The following SELENOI variants were observed in gnomAD, a reference collection of about 807,000 sequenced individuals.
The protein encoded by SELENOI is ethanolaminephosphotransferase 1.
Under a neutral mutation model 50.7 loss-of-function variants are expected in SELENOI, and 24 were observed. The observed-to-expected ratio is 0.47, with a 90% CI of 0.34 to 0.67. The LOEUF is 0.67. SELENOI is among the 30% of genes least tolerant of loss of function. SELENOI has a pLI of 0.01. For synonymous variants in SELENOI, 155 were observed against 170.2 expected (o/e 0.91, Z 0.70); for missense variants, 352 against 461.4 (o/e 0.76, Z 2.17).
At position 26,390,412 on chromosome 2, in the gene SELENOI, T is replaced by C. The variant is rs1677938269; in HGVS notation, c.*1309T>C. On this transcript the variant is annotated 3_prime_UTR_variant, in exon 10 of 10. Transcript: ENST00000260585. ...AGAGTGTATCTTAAACCCCCTTTTT[T>C]TGGACAGGCTGCACTTGGATAAAAT... 1 of 152,544 alleles carries C rather than the reference T, an allele frequency of 6.6e-6. No individual in the cohort carries two copies. The highest frequency in any genetic ancestry group is 2.4e-5 in the African/African-American group (1 of 41,404). 9.4% of individuals were successfully genotyped at this position (152,544 alleles called of 1,614,324 possible).
chr2:26,371,383 G>GCCGGGCAAT (rs1351649551), intron 4 of SELENOI, among the ~76,000 whole-genome samples: 1 of 151,978 alleles, frequency 6.6e-6, no homozygotes, highest in Non-Finnish European at 1.5e-5. Context: ...ACGATGGGCA[G>GCCGGGCAAT]CCGGGCAGAG....
chr2:26,348,088 G>A (rs1324301680), intron 1 of SELENOI, among the ~76,000 whole-genome samples: 1 of 152,130 alleles, frequency 6.6e-6, no homozygotes, highest in Non-Finnish European at 1.5e-5. Flanking sequence ...ACTCAATACT[G>A]CATTTATATT....
At chr2:26,367,011 TC>T (rs1677298335) in intron 3 of SELENOI, 134 bp from the exon 4 acceptor site, 2 of 702,268 alleles carry the variant, frequency 2.8e-6, no homozygotes, top group East Asian at 6.8e-5. Flanking sequence ...TTTACGTAAT[TC>T]TGGATTCAAA....
chr2:26,374,876 T>C (rs1677533367), intron 5 of SELENOI, among the ~76,000 whole-genome samples, 164 bp from the exon 6 acceptor site: 1 of 152,216 alleles, frequency 6.6e-6, no homozygotes, highest in Non-Finnish European at 1.5e-5. Flanking sequence ...AGCCAAAAGA[T>C]TGTATTTTTA....
intron 4 of SELENOI, among the ~76,000 whole-genome samples, chr2:26,369,869 C>CT (rs1352910773): frequency 2.0e-5 from 3 of 152,044 alleles, no homozygotes; most frequent in African/African-American, 2.4e-5. Flanking sequence ...ATTCCCTCCT[C>CT]TTTTTTTTAT....
chr2:26,395,521 C>T lies in SELENOI; in HGVS notation c.*6418C>T, dbSNP rs1043427. ...GGTGGCTCTGGGAGCAGTTGTGCTG[C>T]GGGCTTGCTGGGGGAGAACTCTAAC... On this transcript the variant is annotated 3_prime_UTR_variant, in exon 10 of 10. Coordinates refer to ENST00000260585, the MANE Select transcript of SELENOI (RefSeq NM_033505.4). 0.099 allele frequency: 15,116 copies of T among 152,696 alleles called. 1,863 individuals carry two copies. The highest frequency in any genetic ancestry group is 0.3 in the African/African-American group (12,256 of 41,476). The allele number at this position is 152,696 out of a possible 1,614,324, so 9.5% of individuals were successfully genotyped here.
chr2:26,375,810 C>T (rs1173947829), intron 6 of SELENOI, among the ~76,000 whole-genome samples: 1 of 152,018 alleles, frequency 6.6e-6, no homozygotes, highest in Admixed American at 6.6e-5. Context: ...ATTCTGTTCT[C>T]TTATCTAAAA....
intron 1 of SELENOI, among the ~76,000 whole-genome samples, chr2:26,357,283 A>T (rs1358922708): frequency 1.3e-5 from 2 of 152,156 alleles, no homozygotes; most frequent in Non-Finnish European, 2.9e-5. Context: ...TGTGTCTCAT[A>T]CATTCTTTAC....
At chr2:26,373,314 T>A in intron 4 of SELENOI, 53 bp from the exon 5 acceptor site, 1 of 1,541,692 alleles carries the variant, frequency 6.5e-7, no homozygotes, top group South Asian at 1.2e-5. Context: ...AAGAAGACTT[T>A]CTCCATCCTG....
chr2:26,374,717 C>T (rs1677530048), intron 5 of SELENOI, among the ~76,000 whole-genome samples: 1 of 151,796 alleles, frequency 6.6e-6, no homozygotes, highest in South Asian at 2.1e-4. Flanking sequence ...TACAGGCATG[C>T]GCCACCACGC....
intron 4 of SELENOI, among the ~76,000 whole-genome samples, chr2:26,370,375 AC>A (rs1248998053): frequency 6.6e-6 from 1 of 151,312 alleles, no homozygotes; most frequent in African/African-American, 2.4e-5. Flanking sequence ...GCTGTTGGGC[AC>A]ACCTCCCAGA....
intron 6 of SELENOI, among the ~76,000 whole-genome samples, chr2:26,380,945 A>AT (rs530546709): frequency 1.6e-3 from 241 of 150,828 alleles, no homozygotes; most frequent in South Asian, 0.011. Flanking sequence ...TCTCAAACAG[A>AT]TTTTTTTTTC....
intron 5 of SELENOI, among the ~76,000 whole-genome samples, chr2:26,374,563 T>C (rs1677525168): frequency 2.1e-5 from 3 of 140,286 alleles, no homozygotes; most frequent in Admixed American, 1.6e-4. Flanking sequence ...GCTAAAAGAT[T>C]GTATTTTTTT....
In SELENOI at chr2:26,347,226, C is replaced by T. The variant is rs1220678649; in HGVS notation, c.57+937C>T. ...TCAAAGAAGCCCTCCCTACGTGCCC[C>T]TTTCCCCCTTAAATGTGCGCTCTGT... is the stretch of plus-strand genomic sequence containing the variant. On this transcript the variant is annotated intron_variant, in intron 1 of 9. Transcript: ENST00000260585. 2.0e-5 allele frequency among the ~76,000 whole-genome samples: 3 copies of T among 152,274 alleles called. No homozygotes were observed. In the East Asian group the frequency reaches 5.8e-4, roughly 29 times the overall value.
rs183970299 is a variant in SELENOI at position 26,360,312 on chromosome 2, A to G, written c.58-3990A>G. Among the ~76,000 whole-genome samples the G allele has an allele frequency of 4.6e-5, 7 of 152,272 alleles. No homozygotes were observed. The East Asian group carries it at 1.4e-3, about 29-fold the overall frequency. ...AGCACAGAGTTTTGCTGCCTTCTAT[A>G]ATCTATTAATCTTTCTTCCTGTTTG... On this transcript the variant is annotated intron_variant, in intron 1 of 9. Transcript: ENST00000260585.
At chr2:26,365,800 T>C (rs1677275215) in intron 3 of SELENOI, among the ~76,000 whole-genome samples, 1 of 70,586 alleles carries the variant, frequency 1.4e-5, no homozygotes, top group Non-Finnish European at 3.8e-5. Context: ...TAAGACTTTT[T>C]TTTTTTTTTT....
chr2:26,381,015 A>G, intron 6 of SELENOI, among the ~76,000 whole-genome samples: 1 of 149,668 alleles, frequency 6.7e-6, no homozygotes, highest in Admixed American at 7.0e-5. Flanking sequence ...AGGTATATTA[A>G]TCCTTTGATA....
rs1553335062 is a variant in SELENOI, at chr2:26,349,954, A to AAAAAATT, written c.57+3667_57+3673dup. On this transcript the variant is annotated intron_variant, in intron 1 of 9. Transcript: ENST00000260585. ...CCACAAAAAAAAAAAAAAAAAAAAA[A>AAAAAATT]AAAAATTAGCCAGGCATGGTAGCAC... Among the ~76,000 whole-genome samples the AAAAAATT allele has an allele frequency of 2.0e-5, 3 of 150,660 alleles. No homozygotes were observed. In the East Asian group the frequency reaches 5.8e-4, roughly 29 times the overall value.
intron 4 of SELENOI, 138 bp from the exon 5 acceptor site, chr2:26,373,229 A>G: frequency 9.6e-7 from 1 of 1,041,548 alleles, no homozygotes; most frequent in Non-Finnish European, 1.4e-6. Context: ...TTAGATTTTT[A>G]TAGTACCAGC....
Sources: allele counts gnomAD v4.1 joint callset (sites outside exome capture counted in the v4.1 genomes callset), GRCh38; gene constraint gnomAD v4.1.1; transcripts MANE v1.5; gene names NCBI Gene and HGNC (gene_info 2026-07-23, HGNC 2026-07-21).